PALD1: variants seen among roughly 807,000 people sequenced by gnomAD.
PALD1 encodes the protein paladin.
PALD1 carries 57 observed loss-of-function variants against 96.0 expected under a neutral mutation model. The observed-to-expected ratio is 0.59, with a 90% CI of 0.48 to 0.74. PALD1 has a LOEUF of 0.74. Ranked by LOEUF, PALD1 falls within the 30% of genes least tolerant of loss-of-function variation. The pLI is 0.00. For missense variants in PALD1, 1,063 were observed against 1,143.7 expected, an observed-to-expected ratio of 0.93 and a Z score of 1.02; for synonymous variants, 464 against 473.6, an observed-to-expected ratio of 0.98 and a Z score of 0.26.
intron 1 of PALD1, among the ~76,000 whole-genome samples, chr10:70,514,640 G>A (rs921313246): frequency 3.3e-4 from 50 of 152,198 alleles, no homozygotes; most frequent in African/African-American, 1.2e-3. Context: ...TTGCTCAGCC[G>A]TCACCTCTTC....
intron 4 of PALD1, 106 bp from the exon 5 acceptor site, chr10:70,531,184 G>A (rs1589198718): frequency 1.1e-6 from 1 of 890,492 alleles, no homozygotes; most frequent in South Asian, 1.6e-5. Flanking sequence ...GGTGTGGGGT[G>A]CAGGAGGAAG....
At chr10:70,470,045 C>T in the PALD1 span, among the ~76,000 whole-genome samples, 2 of 152,192 alleles carry the variant, frequency 1.3e-5, no homozygotes, top group African/African-American at 4.8e-5. Flanking sequence ...CTGCCCGCCT[C>T]AGCATCCCAA....
intron 1 of PALD1, among the ~76,000 whole-genome samples, chr10:70,513,525 A>G (rs1215790139): frequency 6.6e-6 from 1 of 152,136 alleles, no homozygotes; most frequent in Non-Finnish European, 1.5e-5. Flanking sequence ...ATCAAAAAAA[A>G]GGAAGAGTGC....
chr10:70,557,603 G>T (rs1223261012), intron 18 of PALD1, among the ~76,000 whole-genome samples: 1 of 152,190 alleles, frequency 6.6e-6, no homozygotes, highest in East Asian at 1.9e-4. Context: ...CCTGTACTGG[G>T]GCCCCACCGC....
intron 1 of PALD1, among the ~76,000 whole-genome samples, chr10:70,481,946 GTCAGTAACCTCTACCTCCTTGTGGGT>G (rs1564679918): frequency 6.6e-6 from 1 of 152,182 alleles, no homozygotes; most frequent in Non-Finnish European, 1.5e-5. Context: ...TTAGAGTGGG[GTCAGTAACCTCTACCTCCTTGTGGGT>G]TCAGTGGGAG....
intron 1 of PALD1, among the ~76,000 whole-genome samples, chr10:70,499,065 A>T (rs538356433): frequency 6.6e-6 from 1 of 152,258 alleles, no homozygotes; most frequent in Admixed American, 6.5e-5. Context: ...TGTAATCCTT[A>T]CCATATCCCT....
At chr10:70,507,651 G>A (rs1295151112) in intron 1 of PALD1, among the ~76,000 whole-genome samples, 5 of 152,058 alleles carry the variant, frequency 3.3e-5, no homozygotes, top group African/African-American at 1.2e-4. Context: ...CGAACTTGTG[G>A]CCTCAAGCTA....
chr10:70,500,452 C>T (rs181152955), intron 1 of PALD1, among the ~76,000 whole-genome samples: 223 of 152,318 alleles, frequency 1.5e-3, no homozygotes, highest in Non-Finnish European at 1.9e-3. Flanking sequence ...ATCCTATATT[C>T]TGGCCTCACA....
intron 2 of PALD1, among the ~76,000 whole-genome samples, chr10:70,527,148 A>G (rs557687683): frequency 6.6e-6 from 1 of 152,360 alleles, no homozygotes; most frequent in Admixed American, 6.5e-5. Flanking sequence ...CTCGTGCCCC[A>G]GGCCTGGTTC....
intron 1 of PALD1, among the ~76,000 whole-genome samples, chr10:70,482,279 A>G (rs1845945580): frequency 6.6e-6 from 1 of 152,112 alleles, no homozygotes; most frequent in African/African-American, 2.4e-5. Context: ...GGGCGGGCGT[A>G]TGGAAGCTTG....
chr10:70,470,571 ATAT>A, the PALD1 span, among the ~76,000 whole-genome samples: 219 of 142,216 alleles, frequency 1.5e-3, no homozygotes, highest in Non-Finnish European at 2.5e-3. Context: ...ATAATAAATA[ATAT>A]TATTTTTTAT....
At chr10:70,480,875 G>A (rs910551356) in intron 1 of PALD1, among the ~76,000 whole-genome samples, 49 of 152,340 alleles carry the variant, frequency 3.2e-4, no homozygotes, top group Middle Eastern at 6.8e-3. Flanking sequence ...GGGCAGAGAC[G>A]TAGAGGAGCT....
chr10:70,464,542 T>C, the PALD1 span, among the ~76,000 whole-genome samples: 1 of 151,954 alleles, frequency 6.6e-6, no homozygotes, highest in African/African-American at 2.4e-5. Flanking sequence ...ATTAGGTCTA[T>C]GATGTTCATC....
Position 70,539,043 on chromosome 10 carries a change from G to A in PALD1, c.1569+35G>A, listed in dbSNP as rs1847177942. 1.9e-6 allele frequency: 3 copies of A among 1,613,442 alleles called. No individual in the cohort carries two copies. The highest frequency in any genetic ancestry group is 2.7e-5 in the African/African-American group (2 of 75,050). On this transcript the variant is annotated intron_variant, in intron 13 of 19. Transcript: ENST00000263563. This position sits in a 1 kb window ranked among gnomAD's most constrained non-coding sequence, Gnocchi z 4.5. ...CCTCAGGGCCTGGGTCCCCCAGTGG[G>A]TTTGGGGAGGGAGGGCTGAGCACTC...
In PALD1 at chr10:70,568,176, A is replaced by G. The variant is rs2132459331; in HGVS notation, c.*1443A>G. On this transcript the variant is annotated 3_prime_UTR_variant, in exon 20 of 20. Coordinates refer to ENST00000263563, the MANE Select transcript of PALD1 (RefSeq NM_014431.3). ...TATTGTTTTTATTTTTGCATGAATTAAGACGTTTTAATTTCTTTGCAGACA... is the reference window on the plus strand; with the variant it reads ...TATTGTTTTTATTTTTGCATGAATTGAGACGTTTTAATTTCTTTGCAGACA... The G allele has an allele frequency of 6.6e-6, 1 of 152,628 alleles. No homozygotes were observed. The highest frequency in any genetic ancestry group is 2.1e-4 in the South Asian group (1 of 4,822). The allele number at this position is 152,628 out of a possible 1,614,324, so 9.5% of individuals were successfully genotyped here.
the PALD1 span, among the ~76,000 whole-genome samples, chr10:70,460,604 C>T: frequency 3.9e-5 from 6 of 152,192 alleles, no homozygotes; most frequent in African/African-American, 1.4e-4. Flanking sequence ...TCTGTCACCA[C>T]CTGGTCCCAG....
At position 70,534,707 on chromosome 10, in the gene PALD1, TC is replaced by T. The variant is rs772456875; in HGVS notation, c.1123-29del. On this transcript the variant is annotated intron_variant, in intron 9 of 19. Coordinates refer to ENST00000263563, the MANE Select transcript of PALD1 (RefSeq NM_014431.3). ...TGACCCTGCTCCCCACCCCCCCACC[TC>T]CCTCTTACTTGCCTTGGTCTCTGGC... The T allele has an allele frequency of 4.3e-6, 3 of 702,952 alleles. No homozygotes were observed. The African/African-American group carries it at 5.5e-5, about 13-fold the overall frequency. 43.5% of individuals were successfully genotyped at this position (702,952 alleles called of 1,614,324 possible).
intron 1 of PALD1, among the ~76,000 whole-genome samples, chr10:70,522,941 C>A (rs1243035965): frequency 3.3e-5 from 5 of 152,202 alleles, no homozygotes; most frequent in Admixed American, 6.5e-5. Context: ...CAGTGTGTGG[C>A]CAGCAGGAGG....
intron 1 of PALD1, among the ~76,000 whole-genome samples, chr10:70,491,009 G>C (rs923524918): frequency 6.6e-6 from 1 of 151,892 alleles, no homozygotes; most frequent in Non-Finnish European, 1.5e-5. Context: ...GGCATGGTGC[G>C]ATCTGGGCTC....
Sources: allele counts gnomAD v4.1 joint callset (sites outside exome capture counted in the v4.1 genomes callset), GRCh38; gene constraint gnomAD v4.1.1; non-coding constraint Gnocchi (gnomAD v3.1); transcripts MANE v1.5; gene names NCBI Gene and HGNC (gene_info 2026-07-23, HGNC 2026-07-21).